The following SHISA9 variants were observed in gnomAD, a reference collection of about 807,000 sequenced individuals.
SHISA9 encodes shisa family member 9.
A neutral mutation model predicts 38.0 loss-of-function variants in SHISA9; 13 were observed. That is an observed-to-expected ratio of 0.34 (90% CI 0.22 to 0.54). The LOEUF (loss-of-function observed/expected upper bound fraction) is 0.54. Ranked by LOEUF, SHISA9 falls within the 20% of genes least tolerant of loss-of-function variation. The pLI, the probability that SHISA9 is intolerant of heterozygous loss-of-function variation, is 0.91. For synonymous variants in SHISA9, 275 were observed against 242.0 expected (o/e 1.14, Z -1.27); for missense variants, 538 against 575.8 (o/e 0.93, Z 0.67).
the SHISA9 span, among the ~76,000 whole-genome samples, chr16:13,415,703 C>T: frequency 6.6e-6 from 1 of 151,906 alleles, no homozygotes; most frequent in Non-Finnish European, 1.5e-5. Context: ...AATGGATTAT[C>T]CAGAAAGATT....
At chr16:13,008,105 G>C (rs559931111) in intron 2 of SHISA9, among the ~76,000 whole-genome samples, 32 of 152,306 alleles carry the variant, frequency 2.1e-4, no homozygotes, top group Non-Finnish European at 4.4e-4. Context: ...TAATGCTCTA[G>C]GGAGCACTGG....
At chr16:13,255,699 C>A in the SHISA9 span, among the ~76,000 whole-genome samples, 1 of 152,282 alleles carries the variant, frequency 6.6e-6, no homozygotes, top group Admixed American at 6.5e-5. Flanking sequence ...ATTCTACCTC[C>A]CAATCCTTAC....
the SHISA9 span, among the ~76,000 whole-genome samples, chr16:13,391,540 A>G: frequency 6.6e-6 from 1 of 152,218 alleles, no homozygotes; most frequent in African/African-American, 2.4e-5. Flanking sequence ...GCATTATTAC[A>G]GTTACACAGA....
the SHISA9 span, among the ~76,000 whole-genome samples, chr16:13,453,002 T>C: frequency 6.6e-6 from 1 of 151,770 alleles, no homozygotes; most frequent in Admixed American, 6.6e-5. Context: ...TCCACCTCCT[T>C]GTTTCAAGCG....
At chr16:13,355,419 G>C in the SHISA9 span, among the ~76,000 whole-genome samples, 2 of 151,734 alleles carry the variant, frequency 1.3e-5, no homozygotes, top group East Asian at 1.9e-4. Flanking sequence ...GGTTAAGGTG[G>C]GGGGATACAA....
chr16:13,287,697 G>C, the SHISA9 span, among the ~76,000 whole-genome samples: 1 of 152,122 alleles, frequency 6.6e-6, no homozygotes, highest in Non-Finnish European at 1.5e-5. Context: ...ATCAGGTTTT[G>C]GATGTAGAGC....
intron 2 of SHISA9, among the ~76,000 whole-genome samples, chr16:13,065,959 A>G (rs1011807747): frequency 3.9e-5 from 6 of 152,232 alleles, no homozygotes; most frequent in Middle Eastern, 3.2e-3. Flanking sequence ...CACCTGGCCC[A>G]GTGGAAAGTG....
the SHISA9 span, among the ~76,000 whole-genome samples, chr16:13,546,755 C>T: frequency 1.3e-5 from 2 of 152,154 alleles, no homozygotes; most frequent in African/African-American, 4.8e-5. Flanking sequence ...ACCATATTCA[C>T]CCATTTTTAC....
In SHISA9 at chr16:13,006,999, G is replaced by A. The variant is rs1042998058; in HGVS notation, c.691+90184G>A. Among the ~76,000 whole-genome samples the A allele has an allele frequency of 1.1e-4, 16 of 152,148 alleles. 1 individual carries two copies. Among genetic ancestry groups the A allele is most frequent in the Admixed American group, 9.2e-4 (14 of 15,282 alleles). On this transcript the variant is annotated intron_variant, in intron 2 of 4. Coordinates refer to ENST00000558583, the MANE Select transcript of SHISA9 (RefSeq NM_001145204.3). ...CCTTCTGCATACCTGCTGCCTCAGG[G>A]TCCTATCAATGCTGTTGAGCCCCCA...
the SHISA9 span, among the ~76,000 whole-genome samples, chr16:13,328,787 A>G: frequency 2.0e-5 from 3 of 152,094 alleles, no homozygotes; most frequent in South Asian, 6.2e-4. Context: ...AACATTTTTC[A>G]TAAGAGGCAG....
intron 2 of SHISA9, among the ~76,000 whole-genome samples, chr16:13,037,109 G>GACAC (rs1207707042): frequency 0.014 from 1,501 of 105,130 alleles, 24 homozygotes; most frequent in East Asian, 0.059. Context: ...CACACACACA[G>GACAC]ACACACACAC....
chr16:13,369,090 TA>T, the SHISA9 span, among the ~76,000 whole-genome samples: 1 of 152,208 alleles, frequency 6.6e-6, no homozygotes, highest in Non-Finnish European at 1.5e-5. Flanking sequence ...TTGCTTTAGA[TA>T]AATCTTAAAA....
chr16:13,243,496 G>T (rs1424925610), downstream of SHISA9, among the ~76,000 whole-genome samples: 1 of 152,126 alleles, frequency 6.6e-6, no homozygotes, highest in Non-Finnish European at 1.5e-5. Context: ...TTGACAATTG[G>T]TTGAGTTTGT....
chr16:13,060,659 A>AAAAAAAC (rs1567198462), intron 2 of SHISA9, among the ~76,000 whole-genome samples: 1 of 128,910 alleles, frequency 7.8e-6, no homozygotes, highest in Admixed American at 8.1e-5. Context: ...AAAAAAAAAA[A>AAAAAAAC]AACACTCAAA....
At position 13,212,377 on chromosome 16, in the gene SHISA9, G is replaced by GT. The variant is rs535478209; in HGVS notation, c.848-874dup. Among the ~76,000 whole-genome samples, 197 of 152,282 alleles carry GT rather than the reference G, an allele frequency of 1.3e-3. 1 individual carries two copies. The highest frequency in any genetic ancestry group is 4.6e-3 in the African/African-American group (192 of 41,554). On this transcript the variant is annotated intron_variant, in intron 3 of 4. Transcript: ENST00000558583. ...CAAAGAAAATGCGAGGTTGGTGGGGGTTGGGTTGGGTATAGCCTTGGCCAA... is the reference window on the plus strand; with the variant it reads ...CAAAGAAAATGCGAGGTTGGTGGGGGTTTGGGTTGGGTATAGCCTTGGCCAA...
chr16:13,426,126 C>T, the SHISA9 span, among the ~76,000 whole-genome samples: 1 of 152,144 alleles, frequency 6.6e-6, no homozygotes, highest in African/African-American at 2.4e-5. Flanking sequence ...AAGGCTTCTG[C>T]GGAGAGTTTG....
At chr16:13,547,292 T>G in the SHISA9 span, among the ~76,000 whole-genome samples, 3 of 152,108 alleles carry the variant, frequency 2.0e-5, no homozygotes, top group Non-Finnish European at 4.4e-5. Flanking sequence ...TATCAGTGGG[T>G]TTTTTTCTAG....
chr16:13,457,319 A>AAACG, the SHISA9 span, among the ~76,000 whole-genome samples: 1 of 151,828 alleles, frequency 6.6e-6, no homozygotes, highest in Non-Finnish European at 1.5e-5. Context: ...ACAAACAAAC[A>AAACG]AACAGCTTTT....
At chr16:13,508,264 A>G in the SHISA9 span, among the ~76,000 whole-genome samples, 1 of 152,328 alleles carries the variant, frequency 6.6e-6, no homozygotes, top group South Asian at 2.1e-4. Context: ...TCCATGTGTC[A>G]TTAACTACTC....
Sources: gnomAD v4.1 joint callset for allele counts (sites outside exome capture counted in the v4.1 genomes callset) on GRCh38, gnomAD v4.1.1 for gene constraint, MANE v1.5 for transcripts, NCBI Gene and HGNC (gene_info 2026-07-23, HGNC 2026-07-21) for gene names.